The following NT5DC1 variants were observed in gnomAD, a reference collection of about 807,000 sequenced individuals.
The protein encoded by NT5DC1 is 5'-nucleotidase domain containing 1.
A neutral mutation model predicts 59.4 loss-of-function variants in NT5DC1; 42 were observed. That is an observed-to-expected ratio of 0.71 (90% CI 0.55 to 0.92). The LOEUF is 0.92. Ranked by LOEUF, NT5DC1 falls within the 40% of genes least tolerant of loss-of-function variation. The pLI is 0.00. For missense variants in NT5DC1, 501 were observed against 537.1 expected, an observed-to-expected ratio of 0.93 and a Z score of 0.66; for synonymous variants, 172 against 188.1, an observed-to-expected ratio of 0.91 and a Z score of 0.70.
chr6:116,238,097 C>A, intron 9 of NT5DC1, 90 bp from the exon 10 acceptor site: 2 of 855,806 alleles, frequency 2.3e-6, no homozygotes, highest in Non-Finnish European at 3.6e-6. Context: ...TACTCTGATG[C>A]CTGTTGAGAA....
intron 6 of NT5DC1, among the ~76,000 whole-genome samples, chr6:116,214,571 T>TGCACATCTTCAGGCCCCACCC (rs1781653946): frequency 6.6e-6 from 1 of 152,092 alleles, no homozygotes; most frequent in Non-Finnish European, 1.5e-5. Context: ...TTGTTAGAAA[T>TGCACATCTTCAGGCCCCACCC]GCACATCTTC....
chr6:116,231,711 C>T (rs1400176751), intron 8 of NT5DC1, among the ~76,000 whole-genome samples: 2 of 152,150 alleles, frequency 1.3e-5, no homozygotes, highest in Non-Finnish European at 2.9e-5. Flanking sequence ...AACAGAAAAA[C>T]ATTGGCAACA....
intron 11 of NT5DC1, among the ~76,000 whole-genome samples, chr6:116,242,466 C>T (rs1466301285): frequency 6.6e-6 from 1 of 150,806 alleles, no homozygotes; most frequent in East Asian, 1.9e-4. Flanking sequence ...CGAAATAATA[C>T]CATGCTAACA....
chr6:116,146,854 C>T (rs188642573), intron 6 of NT5DC1, among the ~76,000 whole-genome samples: 110 of 151,738 alleles, frequency 7.2e-4, no homozygotes, highest in Non-Finnish European at 1.2e-3. Flanking sequence ...GGATAGCCAT[C>T]TGAAAAAATA....
intron 7 of NT5DC1, 96 bp from the exon 8 acceptor site, chr6:116,222,938 G>A: frequency 1.5e-6 from 1 of 669,952 alleles, no homozygotes; most frequent in Non-Finnish European, 2.6e-6. Context: ...GATGAATGAT[G>A]CTGTGGTAAA....
intron 6 of NT5DC1, among the ~76,000 whole-genome samples, chr6:116,140,103 G>A (rs574456050): frequency 7.2e-5 from 11 of 152,238 alleles, no homozygotes; most frequent in South Asian, 6.2e-4. Context: ...GTGGCAGAGC[G>A]GAGAGTTGAA....
chr6:116,207,607 T>C (rs1781484157), intron 6 of NT5DC1, among the ~76,000 whole-genome samples: 1 of 151,940 alleles, frequency 6.6e-6, no homozygotes, highest in Admixed American at 6.6e-5. Context: ...ATATATAAAC[T>C]TGTTGCATTA....
intron 6 of NT5DC1, among the ~76,000 whole-genome samples, chr6:116,144,844 G>A (rs1349807515): frequency 6.6e-6 from 1 of 152,146 alleles, no homozygotes; most frequent in Admixed American, 6.6e-5. Flanking sequence ...CATGATAGGA[G>A]AATGAGAGCT....
At chr6:116,162,897 G>T (rs1330824933) in intron 6 of NT5DC1, among the ~76,000 whole-genome samples, 1 of 151,956 alleles carries the variant, frequency 6.6e-6, no homozygotes, top group Non-Finnish European at 1.5e-5. Flanking sequence ...GGAGGCCAAG[G>T]CGGGCAGATC....
chr6:116,171,620 A>G (rs1211060959), intron 6 of NT5DC1, among the ~76,000 whole-genome samples: 1 of 152,212 alleles, frequency 6.6e-6, no homozygotes, highest in Non-Finnish European at 1.5e-5. Flanking sequence ...AAGACAGTGT[A>G]TTCTATATTT....
chr6:116,168,630 T>G (rs1024427800), intron 6 of NT5DC1, among the ~76,000 whole-genome samples: 1 of 152,098 alleles, frequency 6.6e-6, no homozygotes, highest in Admixed American at 6.5e-5. Flanking sequence ...TTTTTTTGAT[T>G]GTTTGTTTTG....
At chr6:116,162,668 C>A (rs1419139468) in intron 6 of NT5DC1, among the ~76,000 whole-genome samples, 1 of 152,076 alleles carries the variant, frequency 6.6e-6, no homozygotes, top group African/African-American at 2.4e-5. Context: ...CTGTTGGATT[C>A]AGTTTGCTAG....
chr6:116,190,284 A>T (rs771273204), intron 6 of NT5DC1, among the ~76,000 whole-genome samples: 5 of 152,026 alleles, frequency 3.3e-5, no homozygotes, highest in Non-Finnish European at 4.4e-5. Context: ...TTTTATCAAT[A>T]TATGAAATAC....
intron 6 of NT5DC1, among the ~76,000 whole-genome samples, chr6:116,150,504 C>T (rs562233629): frequency 2.6e-5 from 4 of 152,142 alleles, no homozygotes; most frequent in Non-Finnish European, 5.9e-5. Context: ...AGGCTGGTCT[C>T]GAATGTGTGA....
intron 6 of NT5DC1, among the ~76,000 whole-genome samples, chr6:116,216,411 G>A (rs1434818387): frequency 1.3e-5 from 2 of 151,426 alleles, no homozygotes; most frequent in Admixed American, 1.3e-4. Context: ...AAATACCAAT[G>A]TTGTGGCCCT....
At position 116,178,415 on chromosome 6, in the gene NT5DC1, C is replaced by T. The variant is rs55877815; in HGVS notation, c.530-42639C>T. Among the ~76,000 whole-genome samples, 875 of 152,278 alleles carry T rather than the reference C, an allele frequency of 5.7e-3. 17 individuals carry two copies. Among genetic ancestry groups the T allele is most frequent in the South Asian group, 0.046 (222 of 4,824 alleles). ...AAAGGCGATAGAAAGAATCTGTAAA[C>T]ATCTCTATGTTTTATGGTCAGGTAT... is the stretch of plus-strand genomic sequence containing the variant. On this transcript the variant is annotated intron_variant, in intron 6 of 11. Coordinates refer to ENST00000319550, the MANE Select transcript of NT5DC1 (RefSeq NM_152729.3).
At position 116,124,102 on chromosome 6, in the gene NT5DC1, C is replaced by T. The variant is rs190918522; in HGVS notation, c.529+6157C>T. 1.7e-4 allele frequency among the ~76,000 whole-genome samples: 26 copies of T among 152,122 alleles called. No homozygotes were observed. In the East Asian group the frequency reaches 4.2e-3, roughly 25 times the overall value. On this transcript the variant is annotated intron_variant, in intron 6 of 11. Transcript: ENST00000319550. ...TATATTTTGAGACATTCAAAAGTAT[C>T]TGTTGTATACCTGTGCATTTATTTT...
At chr6:116,134,423 A>G (rs1053324965) in intron 6 of NT5DC1, among the ~76,000 whole-genome samples, 1 of 152,188 alleles carries the variant, frequency 6.6e-6, no homozygotes, top group Non-Finnish European at 1.5e-5. Context: ...TCTTTCCTGA[A>G]CGTAATTCAA....
Position 116,110,892 on chromosome 6 carries a change from A to G in NT5DC1, c.300A>G (p.Ala100=). The part of the protein sequence containing the change: ...GTKMMTPEVL[A]EAYGKKEWKH... ...AGATGATGACTCCAGAGGTGCTGGC[A>G]GAGGCATATGGCAAGAAAGAGTGGA... Residue 100 remains alanine, a synonymous_variant, in exon 4 of 12, where the codon GCA becomes GCG. Transcript: ENST00000319550. 6.2e-7 allele frequency: 1 copy of G among 1,614,176 alleles called. No individual in the cohort carries two copies.
Sources: gnomAD v4.1 joint callset for allele counts (sites outside exome capture counted in the v4.1 genomes callset) on GRCh38, gnomAD v4.1.1 for gene constraint, MANE v1.5 for transcripts, NCBI Gene and HGNC (gene_info 2026-07-23, HGNC 2026-07-21) for gene names.